MDN1: variants seen among roughly 807,000 people sequenced by gnomAD.
MDN1 encodes the protein midasin AAA ATPase 1.
In MDN1, 266 loss-of-function variants were observed where a neutral mutation model predicts 669.2. That is an observed-to-expected ratio of 0.40 (90% CI 0.36 to 0.44). The LOEUF (loss-of-function observed/expected upper bound fraction) is 0.44, where lower values mean the gene tolerates loss of function less well. Among genes scored for constraint, MDN1 ranks in the 20% least tolerant of loss-of-function variants. The pLI is 1.00. For missense variants in MDN1, 5,940 were observed against 6,754.0 expected, an observed-to-expected ratio of 0.88 and a Z score of 4.22; for synonymous variants, 2,385 against 2,457.1, an observed-to-expected ratio of 0.97 and a Z score of 0.87.
chr6:89,783,069 T>C (rs898359602), intron 9 of MDN1, among the ~76,000 whole-genome samples: 2 of 152,106 alleles, frequency 1.3e-5, no homozygotes, highest in East Asian at 1.9e-4. Flanking sequence ...TCAGTGCACC[T>C]TGAAAAAGAA....
Position 89,658,505 on chromosome 6 carries a change from C to T in MDN1, c.15021+105G>A, listed in dbSNP as rs929085345. Reference sequence around the variant, plus strand: ...GAAACCTAGAACTCCTCGGAAGTGCCACATGTTGATGGAGGAGTATCCTAA... The same window carrying T: ...GAAACCTAGAACTCCTCGGAAGTGCTACATGTTGATGGAGGAGTATCCTAA... On this transcript the variant is annotated intron_variant, in intron 89 of 101. Transcript: ENST00000369393. The T allele has an allele frequency of 4.5e-5, 68 of 1,524,388 alleles. No homozygotes were observed. The African/African-American group carries it at 8.3e-4, about 19-fold the overall frequency. 94.4% of individuals were successfully genotyped at this position (1,524,388 alleles called of 1,614,324 possible). A position where few individuals can be genotyped will look rare whatever the true frequency, so the allele number is the denominator to read the frequency against.
intron 60 of MDN1, 102 bp downstream of exon 60, chr6:89,696,258 C>T (rs544234093): frequency 3.0e-4 from 387 of 1,269,218 alleles, no homozygotes; most frequent in Admixed American, 5.0e-4. Context: ...ACTTCAAACA[C>T]CAGAACTAGC....
In MDN1 at chr6:89,675,303, A is replaced by G. The variant is rs1057107841; in HGVS notation, c.12761+161T>C. The G allele has an allele frequency of 4.9e-6, 3 of 608,296 alleles. No individual in the cohort carries two copies. In the African/African-American group the frequency reaches 5.6e-5, roughly 11 times the overall value. 37.7% of individuals were successfully genotyped at this position (608,296 alleles called of 1,614,324 possible). A position where few individuals can be genotyped will look rare whatever the true frequency, so the allele number is the denominator to read the frequency against. ...CACTAGAGGCATATCACTGAAAGCAAGGGGCAGAGCTGGGAGAAACCCTAC... is the reference window on the plus strand; with the variant it reads ...CACTAGAGGCATATCACTGAAAGCAGGGGGCAGAGCTGGGAGAAACCCTAC... On this transcript the variant is annotated intron_variant, in intron 78 of 101. Coordinates refer to ENST00000369393, the MANE Select transcript of MDN1 (RefSeq NM_014611.3).
chr6:89,816,770 G>C (rs377533302), intron 1 of MDN1, among the ~76,000 whole-genome samples: 4 of 150,902 alleles, frequency 2.7e-5, no homozygotes, highest in African/African-American at 9.8e-5. Context: ...CACCTCCCGG[G>C]TTCACGCCAT....
At chr6:89,693,420 C>T (rs542084965) in intron 62 of MDN1, among the ~76,000 whole-genome samples, 1 of 152,252 alleles carries the variant, frequency 6.6e-6, no homozygotes, top group South Asian at 2.1e-4. Flanking sequence ...ACTACAATTA[C>T]CCTTCTTATG....
chr6:89,803,324 T>C lies in MDN1; in HGVS notation c.329+4A>G. On this transcript the variant is annotated splice_donor_region_variant and intron_variant, in intron 2 of 101. Transcript: ENST00000369393. ...GAAATGCGAATAATAAAATTGCTAC[T>C]CACGGGAGGACATCAGGATGGTTAC... 6.2e-7 allele frequency: 1 copy of C among 1,611,870 alleles called. No individual in the cohort carries two copies. The highest frequency in any genetic ancestry group is 8.5e-7 in the Non-Finnish European group (1 of 1,177,964).
In MDN1 at chr6:89,743,356, T is replaced by G. The variant is rs1816392960; in HGVS notation, c.4318-76A>C. 71 of 1,569,350 alleles carry G rather than the reference T, an allele frequency of 4.5e-5. 1 individual carries two copies. In the South Asian group the frequency reaches 7.8e-4, roughly 17 times the overall value. On this transcript the variant is annotated intron_variant, in intron 30 of 101. Coordinates refer to ENST00000369393, the MANE Select transcript of MDN1 (RefSeq NM_014611.3). ...AATATACATGCAGCTGGCTGGTGTT[T>G]CCAGGGGTGAAGTAGGCATTCTGAG... is the stretch of plus-strand genomic sequence containing the variant.
intron 77 of MDN1, 111 bp downstream of exon 77, chr6:89,675,991 G>T: frequency 1.1e-6 from 1 of 923,518 alleles, no homozygotes; most frequent in Non-Finnish European, 1.7e-6. Context: ...AAAAAGCTCA[G>T]TTCCACTAAC....
intron 39 of MDN1, 35 bp downstream of exon 39, chr6:89,723,477 G>GAA: frequency 8.9e-6 from 11 of 1,234,966 alleles, no homozygotes; most frequent in South Asian, 5.8e-5. Context: ...AATACAGCCA[G>GAA]AAAAAAAAAG....
At position 89,716,752 on chromosome 6, in the gene MDN1, GC is replaced by G. The variant is rs771146057; in HGVS notation, c.6640del (p.Ala2214ProfsTer20). 1 of 1,613,822 alleles carries G rather than the reference GC, an allele frequency of 6.2e-7. No homozygotes were observed. Among genetic ancestry groups the G allele is most frequent in the Non-Finnish European group, 8.5e-7 (1 of 1,179,870 alleles). ...AAATGTGCCATGGCTATGGCCACTG[GC>G]CAACTGCGTAAGCTTCACACCAAAG... ...RSFGVKLTQL[A>X]SGHSHGTFEW... On this transcript the variant is annotated frameshift_variant, in exon 44 of 102. Transcript: ENST00000369393. LOFTEE classifies it high-confidence loss of function.
At chr6:89,710,637 A>C (rs1473851980) in intron 50 of MDN1, 44 bp downstream of exon 50, 3 of 1,151,944 alleles carry the variant, frequency 2.6e-6, no homozygotes, top group Non-Finnish European at 3.7e-6. Flanking sequence ...TCAAAAGATA[A>C]GTTTCCAAAA....
At chr6:89,736,800 C>T (rs961919279) in intron 33 of MDN1, among the ~76,000 whole-genome samples, 1 of 152,118 alleles carries the variant, frequency 6.6e-6, no homozygotes, top group Non-Finnish European at 1.5e-5. Flanking sequence ...CCCACAACCC[C>T]CCAGAAAAGT....
intron 83 of MDN1, among the ~76,000 whole-genome samples, chr6:89,670,157 TATATATATATA>T (rs1810581696): frequency 3.3e-4 from 8 of 23,888 alleles, no homozygotes; most frequent in Non-Finnish European, 1.4e-4. Flanking sequence ...TATATATATA[TATATATATATA>T]TATTTTTTTT....
intron 31 of MDN1, 45 bp downstream of exon 31, chr6:89,743,105 A>G: frequency 1.9e-6 from 3 of 1,598,302 alleles, no homozygotes; most frequent in Non-Finnish European, 2.6e-6. Flanking sequence ...AAAAAATCAC[A>G]CCAACAAAAA....
At chr6:89,817,841 C>CTT (rs35877792) in intron 1 of MDN1, among the ~76,000 whole-genome samples, 5 of 94 alleles carry the variant, frequency 0.053, no homozygotes, top group Non-Finnish European at 0.11. Flanking sequence ...CGACGGATAA[C>CTT]TGTTGTAAGG....
Position 89,695,962 on chromosome 6 carries a change from C to T in MDN1, c.9414G>A (p.Val3138=). Residue 3138 remains valine (V), a synonymous_variant, in exon 61 of 102, where the codon GTG becomes GTA. Coordinates refer to ENST00000369393, the MANE Select transcript of MDN1 (RefSeq NM_014611.3). The surrounding 1 kb of genome is among the most constrained non-coding windows in gnomAD (Gnocchi z 4.1). The part of the protein sequence containing the change: ...RRTDSQLQGQ[V]LFRHLAGLAE... ...CTAGGCCTGCCAGGTGCCGGAACAG[C>T]ACCTGCCCCTGGAGTTGGGAATCCG... 1.2e-6 allele frequency: 2 copies of T among 1,610,188 alleles called. No individual in the cohort carries two copies. Among genetic ancestry groups the T allele is most frequent in the Non-Finnish European group, 1.7e-6 (2 of 1,178,400 alleles).
rs1812718743 is a variant in MDN1 at position 89,696,088 on chromosome 6, G to T, written c.9384-96C>A. 5 of 1,448,680 alleles carry T rather than the reference G, an allele frequency of 3.5e-6. No homozygotes were observed. The South Asian group carries it at 5.4e-5, about 16-fold the overall frequency. 89.7% of individuals were successfully genotyped at this position (1,448,680 alleles called of 1,614,324 possible). On this transcript the variant is annotated intron_variant, in intron 60 of 101. Coordinates refer to ENST00000369393, the MANE Select transcript of MDN1 (RefSeq NM_014611.3). ...ATTCTCTCAAGAAATGATAACCACA[G>T]AATGCAGCATCAATATGTAGAGGTG...
At chr6:89,656,005 G>A (rs1809259335) in intron 91 of MDN1, 37 bp from the exon 92 acceptor site, 3 of 1,583,576 alleles carry the variant, frequency 1.9e-6, no homozygotes, top group African/African-American at 1.3e-5. Flanking sequence ...AGCCTTGCCT[G>A]TCATGACAAA....
chr6:89,654,440 G>A, intron 92 of MDN1, 106 bp from the exon 93 acceptor site: 2 of 1,432,012 alleles, frequency 1.4e-6, no homozygotes. Flanking sequence ...AAATGCTAGT[G>A]ATGCAAGTTG....
Sources: allele counts gnomAD v4.1 joint callset (sites outside exome capture counted in the v4.1 genomes callset), GRCh38; gene constraint gnomAD v4.1.1; non-coding constraint Gnocchi (gnomAD v3.1); transcripts MANE v1.5; gene names NCBI Gene and HGNC (gene_info 2026-07-23, HGNC 2026-07-21).